CEP112: variants seen among roughly 807,000 people sequenced by gnomAD.
CEP112 encodes centrosomal protein of 112 kDa.
Under a neutral mutation model 153.0 loss-of-function variants are expected in CEP112, and 127 were observed. The ratio of observed to expected loss-of-function variants is 0.83; its 90% CI spans 0.72 to 0.96. The LOEUF is 0.96. CEP112 is among the 40% of genes least tolerant of loss of function. The pLI is 0.00. For missense variants in CEP112, 1,089 were observed against 1,101.2 expected, an observed-to-expected ratio of 0.99 and a Z score of 0.16; for synonymous variants, 358 against 374.4, an observed-to-expected ratio of 0.96 and a Z score of 0.51.
intron 24 of CEP112, among the ~76,000 whole-genome samples, chr17:65,668,756 C>T (rs981502284): frequency 2.6e-4 from 39 of 152,202 alleles, no homozygotes; most frequent in Admixed American, 7.9e-4. Context: ...CTCAGTGTTA[C>T]TGATTGGCTG....
intron 17 of CEP112, among the ~76,000 whole-genome samples, chr17:65,970,397 C>T (rs1048669985): frequency 0.19 from 137 of 718 alleles, 11 homozygotes; most frequent in African/African-American, 0.24. Context: ...ATATTACATG[C>T]ATGCACACAT....
intron 20 of CEP112, among the ~76,000 whole-genome samples, chr17:65,880,982 C>G (rs1253589421): frequency 6.6e-6 from 1 of 152,040 alleles, no homozygotes; most frequent in African/African-American, 2.4e-5. Context: ...TTTGGGAGGT[C>G]AAGGAGGGCA....
At chr17:65,872,374 A>G (rs2058693615) in intron 20 of CEP112, among the ~76,000 whole-genome samples, 1 of 152,174 alleles carries the variant, frequency 6.6e-6, no homozygotes, top group Non-Finnish European at 1.5e-5. Flanking sequence ...CATGAGAACA[A>G]TAATATAAAA....
intron 21 of CEP112, among the ~76,000 whole-genome samples, chr17:65,824,845 CAT>C (rs543372592): frequency 1.1e-3 from 164 of 152,276 alleles, no homozygotes; most frequent in Non-Finnish European, 1.5e-3. Flanking sequence ...TGTTGGCAAT[CAT>C]GTGGAGAAAC....
At chr17:66,105,273 C>T (rs1001789985) in intron 6 of CEP112, among the ~76,000 whole-genome samples, 2 of 151,892 alleles carry the variant, frequency 1.3e-5, no homozygotes, top group Admixed American at 6.6e-5. Context: ...AACCAAAAAA[C>T]CTACAACAAA....
intron 21 of CEP112, among the ~76,000 whole-genome samples, chr17:65,812,241 G>T (rs2056014102): frequency 6.6e-6 from 1 of 152,152 alleles, no homozygotes; most frequent in Non-Finnish European, 1.5e-5. Flanking sequence ...CTGACCTCAT[G>T]ATCCACCCGC....
chr17:65,674,035 C>T (rs2144104941), intron 24 of CEP112, among the ~76,000 whole-genome samples: 1 of 152,244 alleles, frequency 6.6e-6, no homozygotes, highest in Admixed American at 6.5e-5. Flanking sequence ...CGCCACCAAG[C>T]CCAGCTAATT....
At chr17:65,824,896 T>C (rs961868939) in intron 21 of CEP112, among the ~76,000 whole-genome samples, 2 of 152,206 alleles carry the variant, frequency 1.3e-5, no homozygotes, top group Non-Finnish European at 2.9e-5. Context: ...TGTAAAATGA[T>C]GCAGATGCTA....
chr17:65,934,810 A>G (rs1465628197), intron 18 of CEP112, among the ~76,000 whole-genome samples: 1 of 152,238 alleles, frequency 6.6e-6, no homozygotes, highest in Non-Finnish European at 1.5e-5. Context: ...GAGACTGGGC[A>G]ATTTATGAAG....
chr17:65,773,107 G>A (rs9894298), intron 21 of CEP112, among the ~76,000 whole-genome samples: 73,006 of 152,030 alleles, frequency 0.48, 19,222 homozygotes, highest in East Asian at 0.78. Context: ...TGCAGCCAGG[G>A]ATGAAAACGA....
At chr17:66,016,027 ATG>A (rs1568382144) in intron 16 of CEP112, among the ~76,000 whole-genome samples, 2 of 152,206 alleles carry the variant, frequency 1.3e-5, no homozygotes, top group Non-Finnish European at 2.9e-5. Context: ...ACCAGCAACT[ATG>A]TGATCGTAAG....
intron 6 of CEP112, among the ~76,000 whole-genome samples, chr17:66,098,254 A>G (rs2068428005): frequency 6.6e-6 from 1 of 152,186 alleles, no homozygotes; most frequent in South Asian, 2.1e-4. Flanking sequence ...TGAACCTATT[A>G]TGATTCAGGG....
intron 21 of CEP112, among the ~76,000 whole-genome samples, chr17:65,769,460 A>G (rs2053207273): frequency 6.6e-6 from 1 of 152,094 alleles, no homozygotes; most frequent in Non-Finnish European, 1.5e-5. Context: ...CAAATAGCCA[A>G]TGCAATTCTG....
At chr17:66,064,059 A>T (rs1195912242) in intron 10 of CEP112, among the ~76,000 whole-genome samples, 1 of 152,206 alleles carries the variant, frequency 6.6e-6, no homozygotes, top group Non-Finnish European at 1.5e-5. Context: ...TTGCAGGGAC[A>T]GAAAGAAATT....
intron 17 of CEP112, among the ~76,000 whole-genome samples, chr17:65,971,125 G>C (rs1038147522): frequency 6.6e-6 from 1 of 152,094 alleles, no homozygotes; most frequent in Non-Finnish European, 1.5e-5. Flanking sequence ...TTGCGTGTAT[G>C]AGATTTATAT....
intron 12 of CEP112, among the ~76,000 whole-genome samples, chr17:66,047,881 G>A (rs2145888649): frequency 6.6e-6 from 1 of 152,166 alleles, no homozygotes; most frequent in Non-Finnish European, 1.5e-5. Context: ...CCATCTGTGG[G>A]AAACTAATTG....
intron 19 of CEP112, among the ~76,000 whole-genome samples, chr17:65,921,069 A>T (rs1472519078): frequency 6.6e-6 from 1 of 152,090 alleles, no homozygotes; most frequent in African/African-American, 2.4e-5. Context: ...GAGACACAGA[A>T]ATCTCACTTT....
intron 24 of CEP112, among the ~76,000 whole-genome samples, chr17:65,679,991 C>A (rs1263782284): frequency 6.6e-6 from 1 of 152,226 alleles, no homozygotes; most frequent in Non-Finnish European, 1.5e-5. Context: ...AGGAAGGAAT[C>A]AGCAGAATGC....
chr17:65,714,422 G>GC (rs2049378298), intron 23 of CEP112, among the ~76,000 whole-genome samples: 1 of 151,198 alleles, frequency 6.6e-6, no homozygotes, highest in East Asian at 1.9e-4. Context: ...GAATATCAAA[G>GC]TTTTTTTTTA....
Sources: gnomAD v4.1 joint callset for allele counts (sites outside exome capture counted in the v4.1 genomes callset) on GRCh38, gnomAD v4.1.1 for gene constraint, MANE v1.5 for transcripts, NCBI Gene and HGNC (gene_info 2026-07-23, HGNC 2026-07-21) for gene names.